MAGI3: variants seen among roughly 807,000 people sequenced by gnomAD.
The protein encoded by MAGI3 is membrane-associated guanylate kinase, WW and PDZ domain-containing protein 3.
In MAGI3, 43 loss-of-function variants were observed where a neutral mutation model predicts 121.8. That is an observed-to-expected ratio of 0.35 (90% CI 0.28 to 0.46). The LOEUF is 0.46. MAGI3 is among the 20% of genes least tolerant of loss of function. The pLI is 1.00. For synonymous variants in MAGI3, 553 were observed against 639.3 expected, an observed-to-expected ratio of 0.86 and a Z score of 2.04; for missense variants, 1,547 against 1,797.3, an observed-to-expected ratio of 0.86 and a Z score of 2.52.
intron 1 of MAGI3, among the ~76,000 whole-genome samples, chr1:113,464,111 C>T (rs1340597662): frequency 6.6e-6 from 1 of 152,050 alleles, no homozygotes; most frequent in Admixed American, 6.6e-5. Flanking sequence ...TTCTATCAAA[C>T]CATATATTTG....
At chr1:113,600,169 G>T (rs1649276956) in intron 6 of MAGI3, among the ~76,000 whole-genome samples, 1 of 152,154 alleles carries the variant, frequency 6.6e-6, no homozygotes, top group Non-Finnish European at 1.5e-5. Flanking sequence ...CACAAGACAG[G>T]GGTGCCCTCT....
At chr1:113,493,747 C>A (rs998607192) in intron 1 of MAGI3, among the ~76,000 whole-genome samples, 2 of 152,090 alleles carry the variant, frequency 1.3e-5, no homozygotes, top group Non-Finnish European at 2.9e-5. Flanking sequence ...GACATACATG[C>A]AATCAACAAT....
chr1:113,664,569 A>C (rs1022409243), intron 16 of MAGI3, among the ~76,000 whole-genome samples: 1 of 152,198 alleles, frequency 6.6e-6, no homozygotes, highest in Non-Finnish European at 1.5e-5. Context: ...AAATAAAAAA[A>C]CAGTGTGAGA....
At chr1:113,621,081 A>C (rs1392790217) in intron 8 of MAGI3, among the ~76,000 whole-genome samples, 1 of 152,136 alleles carries the variant, frequency 6.6e-6, no homozygotes, top group East Asian at 1.9e-4. Context: ...TCAAAGCAGA[A>C]GAGATAGAAA....
At chr1:113,680,712 T>G (rs778863689) in intron 19 of MAGI3, among the ~76,000 whole-genome samples, 2 of 151,842 alleles carry the variant, frequency 1.3e-5, no homozygotes, top group Non-Finnish European at 2.9e-5. Context: ...AGCCGAGGTC[T>G]CGCCACTGCA....
intron 1 of MAGI3, among the ~76,000 whole-genome samples, chr1:113,484,988 T>C (rs1415038084): frequency 5.9e-5 from 9 of 151,818 alleles, no homozygotes; most frequent in African/African-American, 2.2e-4. Context: ...GGCTTTGGCC[T>C]CCCAAAGTGC....
chr1:113,512,460 T>C (rs576859935), intron 1 of MAGI3, among the ~76,000 whole-genome samples: 1 of 152,242 alleles, frequency 6.6e-6, no homozygotes, highest in African/African-American at 2.4e-5. Context: ...GTTCTTTTTA[T>C]TCTTTCTCCT....
At chr1:113,575,974 G>A (rs1039520622) in intron 2 of MAGI3, among the ~76,000 whole-genome samples, 12 of 152,130 alleles carry the variant, frequency 7.9e-5, no homozygotes, top group East Asian at 7.7e-4. Context: ...ACTTCCTGGC[G>A]GCTTCCTTAA....
chr1:113,392,162 C>G (rs1373840800), intron 1 of MAGI3, among the ~76,000 whole-genome samples: 1 of 152,238 alleles, frequency 6.6e-6, no homozygotes, highest in Non-Finnish European at 1.5e-5. Context: ...TGATCAGAGA[C>G]AGCATACAGT....
At chr1:113,582,925 A>C (rs1337144349) in intron 3 of MAGI3, among the ~76,000 whole-genome samples, 1 of 151,756 alleles carries the variant, frequency 6.6e-6, no homozygotes, top group East Asian at 1.9e-4. Context: ...TACAGTCTGT[A>C]ATTTTATATG....
intron 1 of MAGI3, among the ~76,000 whole-genome samples, chr1:113,443,370 C>A (rs1458712230): frequency 6.6e-6 from 1 of 152,006 alleles, no homozygotes; most frequent in Admixed American, 6.6e-5. Context: ...GAATTACTTT[C>A]TTTTTCCTAG....
At chr1:113,397,291 C>A (rs1449909780) in intron 1 of MAGI3, among the ~76,000 whole-genome samples, 1 of 152,072 alleles carries the variant, frequency 6.6e-6, no homozygotes, top group Non-Finnish European at 1.5e-5. Flanking sequence ...AGAATGATTT[C>A]TTTTCTTTTT....
intron 6 of MAGI3, among the ~76,000 whole-genome samples, chr1:113,609,025 TCCCACTTACAAAACTGGGTACA>T (rs1011083023): frequency 2.6e-5 from 4 of 152,354 alleles, no homozygotes; most frequent in African/African-American, 9.6e-5. Flanking sequence ...TGGGCTACTC[TCCCACTTACAAAACTGGGTACA>T]CCTTTTTAAC....
At chr1:113,452,858 C>T (rs1175550263) in intron 1 of MAGI3, among the ~76,000 whole-genome samples, 1 of 152,064 alleles carries the variant, frequency 6.6e-6, no homozygotes, top group Non-Finnish European at 1.5e-5. Flanking sequence ...AAATTTTACT[C>T]AAAGAAATAA....
rs571233858 is a variant in MAGI3, at chr1:113,492,727, A to G, written c.317-56788A>G. ...CAGGATACAAAATCAATGTGTAAAT[A>G]TCAATCTTTCTTATATACCAACAAC... On this transcript the variant is annotated intron_variant, in intron 1 of 20. Transcript: ENST00000307546. Among the ~76,000 whole-genome samples the G allele has an allele frequency of 5.3e-5, 8 of 152,290 alleles. No homozygotes were observed. The East Asian group carries it at 5.8e-4, about 11-fold the overall frequency.
intron 1 of MAGI3, among the ~76,000 whole-genome samples, chr1:113,466,572 G>GT (rs1655298515): frequency 3.3e-5 from 5 of 151,974 alleles, no homozygotes; most frequent in Admixed American, 3.3e-4. Flanking sequence ...TCCTTAAATG[G>GT]TTGGTAGAAT....
At chr1:113,672,147 T>C (rs924988589) in intron 17 of MAGI3, among the ~76,000 whole-genome samples, 12 of 152,350 alleles carry the variant, frequency 7.9e-5, no homozygotes, top group Admixed American at 7.2e-4. Context: ...ATAGTTTTCA[T>C]AGGGAAGCTG....
intron 15 of MAGI3, among the ~76,000 whole-genome samples, chr1:113,657,338 C>T (rs1470583390): frequency 2.6e-5 from 4 of 152,168 alleles, no homozygotes; most frequent in African/African-American, 9.7e-5. Context: ...TTTAACTGTT[C>T]CGGTGACACT....
intron 5 of MAGI3, 122 bp downstream of exon 5, chr1:113,590,780 A>C: frequency 1.1e-6 from 1 of 890,606 alleles, no homozygotes; most frequent in East Asian, 2.8e-5. Context: ...TCTTTCTTTA[A>C]AAATATTTTT....
Sources: allele counts gnomAD v4.1 joint callset (sites outside exome capture counted in the v4.1 genomes callset), GRCh38; gene constraint gnomAD v4.1.1; transcripts MANE v1.5; gene names NCBI Gene and HGNC (gene_info 2026-07-23, HGNC 2026-07-21).